The following ABCA9 variants were observed in gnomAD, a reference collection of about 807,000 sequenced individuals.
ABCA9 encodes ATP-binding cassette sub-family A member 9.
ABCA9 carries 183 observed loss-of-function variants against 205.3 expected under a neutral mutation model. The ratio of observed to expected loss-of-function variants is 0.89; its 90% CI spans 0.79 to 1.01. The LOEUF is 1.01. ABCA9 is among the 50% of genes least tolerant of loss of function. The pLI, the probability that ABCA9 is intolerant of heterozygous loss-of-function variation, is 0.00. For missense variants in ABCA9, 1,805 were observed against 1,912.4 expected, an observed-to-expected ratio of 0.94 and a Z score of 1.05; for synonymous variants, 651 against 683.3, an observed-to-expected ratio of 0.95 and a Z score of 0.74.
chr17:68,976,889 T>C (rs2068904833), intron 37 of ABCA9, among the ~76,000 whole-genome samples: 1 of 152,202 alleles, frequency 6.6e-6, no homozygotes, highest in Admixed American at 6.5e-5. Flanking sequence ...ACCTCAACCA[T>C]GTAGATACAT....
intron 16 of ABCA9, among the ~76,000 whole-genome samples, chr17:69,024,850 C>A (rs1414931652): frequency 1.3e-5 from 2 of 151,832 alleles, no homozygotes; most frequent in Non-Finnish European, 2.9e-5. Context: ...CATTTTGGGG[C>A]CCAAAATTTA....
chr17:69,049,203 A>G, intron 3 of ABCA9, 80 bp downstream of exon 3: 4 of 1,367,800 alleles, frequency 2.9e-6, no homozygotes, highest in South Asian at 1.4e-5. Context: ...AACATTCAAC[A>G]TAATTTATGA....
the ABCA9 span, among the ~76,000 whole-genome samples, chr17:69,076,003 CTTTCTATTTCCT>C: frequency 6.6e-6 from 1 of 152,056 alleles, no homozygotes; most frequent in East Asian, 1.9e-4. Context: ...TATTTGGATA[CTTTCTATTTCCT>C]TTTCTTGCAT....
the ABCA9 span, among the ~76,000 whole-genome samples, chr17:69,070,242 C>T: frequency 4.6e-5 from 7 of 151,870 alleles, no homozygotes; most frequent in Non-Finnish European, 1.0e-4. Flanking sequence ...AAGATTAAAG[C>T]ATAAATATAA....
chr17:69,048,238 G>A (rs879676084), intron 3 of ABCA9, among the ~76,000 whole-genome samples: 6 of 152,128 alleles, frequency 3.9e-5, no homozygotes, highest in Non-Finnish European at 7.4e-5. Flanking sequence ...TGGACACAGA[G>A]TCAAACCTAT....
At chr17:69,078,069 T>A in the ABCA9 span, among the ~76,000 whole-genome samples, 42 of 152,208 alleles carry the variant, frequency 2.8e-4, no homozygotes, top group African/African-American at 7.5e-4. Context: ...ATGCAAAATT[T>A]AAAAAATCTG....
At chr17:69,049,003 A>G (rs956385585) in intron 3 of ABCA9, among the ~76,000 whole-genome samples, 1 of 152,196 alleles carries the variant, frequency 6.6e-6, no homozygotes, top group African/African-American at 2.4e-5. Flanking sequence ...CTACAGTCCA[A>G]TGTTTCCAGA....
chr17:69,043,609 A>G lies in ABCA9; in HGVS notation c.680T>C (p.Ile227Thr), dbSNP rs1433431558. ...AQGGVATDFFIFFCIISFSTF... is the reference protein window; with the variant it reads ...AQGGVATDFFTFFCIISFSTF... ...AGAAAAAGAAATAATGCAAAAGAAA[A>G]TGAAAAAATCAGTTGCAACTCCTCC... The change falls in exon 6 of 39, where the codon ATT (isoleucine) becomes ACT (threonine). Residue 227 changes from isoleucine (I) to threonine (T), a missense_variant. By Grantham distance (89) the Ile-to-Thr change is moderately conservative. Coordinates refer to ENST00000340001, the MANE Select transcript of ABCA9 (RefSeq NM_080283.4). The G allele has an allele frequency of 1.1e-5, 17 of 1,613,586 alleles. No homozygotes were observed. Among genetic ancestry groups the G allele is most frequent in the Non-Finnish European group, 1.2e-5 (14 of 1,179,782 alleles).
At position 68,993,949 on chromosome 17, in the gene ABCA9, C is replaced by T. The variant is rs147992576; in HGVS notation, c.3556-865G>A. 3.6e-3 allele frequency among the ~76,000 whole-genome samples: 544 copies of T among 152,256 alleles called. 9 individuals are homozygous for T. In the East Asian group the frequency reaches 0.055, roughly 15 times the overall value. ...GGAGTGCAGTGGCATGATCTTGGCT[C>T]ACTACAACCTCTGCCTCCTGGGTTC... On this transcript the variant is annotated intron_variant, in intron 26 of 38. Coordinates refer to ENST00000340001, the MANE Select transcript of ABCA9 (RefSeq NM_080283.4).
At chr17:68,983,936 C>T (rs2069144598) in intron 35 of ABCA9, 87 bp from the exon 36 acceptor site, 1 of 1,602,762 alleles carries the variant, frequency 6.2e-7, no homozygotes, top group African/African-American at 1.3e-5. Context: ...CAGAGTAAGG[C>T]CACATAGAGT....
chr17:69,028,780 T>C (rs2071073400), intron 11 of ABCA9, 135 bp from the exon 12 acceptor site: 1 of 485,696 alleles, frequency 2.1e-6, no homozygotes, highest in Admixed American at 3.9e-5. Flanking sequence ...TAAAATTCTT[T>C]CTTTTAAAAC....
rs777330341 is a variant in ABCA9 at position 68,992,229 on chromosome 17, C to T, written c.3662G>A (p.Arg1221Gln). 31 of 1,594,508 alleles carry T rather than the reference C, an allele frequency of 1.9e-5. No homozygotes were observed. The highest frequency in any genetic ancestry group is 4.0e-5 in the African/African-American group (3 of 74,314). Reference protein sequence around the residue: ...LHFLIFLFILRCLEMNCRKKL... With the variant: ...LHFLIFLFILQCLEMNCRKKL... ...CTTCCTGCAGTTCATTTCTAGGCATCGCAGAATGAAAAGAAAAATGAGAAA... is the reference window on the plus strand; with the variant it reads ...CTTCCTGCAGTTCATTTCTAGGCATTGCAGAATGAAAAGAAAAATGAGAAA... Residue 1221 changes from arginine (R) to glutamine (Q), a missense_variant, in exon 28 of 39, where the codon CGA becomes CAA. By Grantham distance (43) the Arg-to-Gln change is conservative (BLOSUM62 1). Transcript: ENST00000340001.
chr17:69,014,937 A>T (rs1468413992), intron 22 of ABCA9, among the ~76,000 whole-genome samples: 1 of 152,096 alleles, frequency 6.6e-6, no homozygotes, highest in Non-Finnish European at 1.5e-5. Context: ...GCCAAGCTAA[A>T]CACCACCCCA....
At chr17:69,025,640 G>C (rs1161159273) in intron 16 of ABCA9, among the ~76,000 whole-genome samples, 1 of 152,080 alleles carries the variant, frequency 6.6e-6, no homozygotes, top group Non-Finnish European at 1.5e-5. Context: ...TAAAAAATGA[G>C]GGGATCCATT....
intron 22 of ABCA9, among the ~76,000 whole-genome samples, chr17:69,012,985 C>T (rs1319836943): frequency 6.6e-6 from 1 of 151,718 alleles, no homozygotes; most frequent in Non-Finnish European, 1.5e-5. Context: ...TCTTTCTGTG[C>T]CTGGCTTATT....
intron 17 of ABCA9, among the ~76,000 whole-genome samples, chr17:69,022,679 A>G (rs1464717362): frequency 6.6e-6 from 1 of 152,044 alleles, no homozygotes; most frequent in Admixed American, 6.6e-5. Flanking sequence ...ATAAATATGT[A>G]AAGTTTTTAA....
intron 37 of ABCA9, among the ~76,000 whole-genome samples, chr17:68,981,835 CAAAAAAA>C (rs398041827): frequency 1.7e-4 from 9 of 51,650 alleles, no homozygotes; most frequent in Non-Finnish European, 2.6e-4. Flanking sequence ...AACTCTTTCT[CAAAAAAA>C]AAAAAAAAAA....
chr17:69,028,547 C>A lies in ABCA9; in HGVS notation c.1603G>T (p.Val535Phe). Residue 535 changes from valine (V) to phenylalanine (F), a missense_variant, in exon 12 of 39, where the codon GTT (valine) becomes TTT (phenylalanine). Transcript: ENST00000340001. ...ACTGTCTTCTTACCTGATGTTGGAA[C>A]TGACAACCCACTAAGTATGTTTAAC... ...TLLNILSGLS[V>F]PTSGSVTVYN... 1 of 1,601,390 alleles carries A rather than the reference C, an allele frequency of 6.2e-7. No homozygotes were observed. Among genetic ancestry groups the A allele is most frequent in the Non-Finnish European group, 8.5e-7 (1 of 1,172,254 alleles).
Position 69,020,482 on chromosome 17 carries a change from T to C in ABCA9, c.2506A>G (p.Ile836Val). Residue 836 changes from isoleucine (I) to valine (V), a missense_variant, in exon 19 of 39, where the codon ATC becomes GTC. Coordinates refer to ENST00000340001, the MANE Select transcript of ABCA9 (RefSeq NM_080283.4). ...LSSFHETRKT[I>V]SGVALWRQQV... ...TGCCTCCAGAGCGCCACGCCACTGA[T>C]TGTTTTCCTTGTTTCGTGGAAGGAA... 1 of 1,614,106 alleles carries C rather than the reference T, an allele frequency of 6.2e-7. No individual in the cohort carries two copies. The highest frequency in any genetic ancestry group is 1.1e-5 in the South Asian group (1 of 91,080).
Sources: gnomAD v4.1 joint callset for allele counts (sites outside exome capture counted in the v4.1 genomes callset) on GRCh38, gnomAD v4.1.1 for gene constraint, MANE v1.5 for transcripts, NCBI Gene and HGNC (gene_info 2026-07-23, HGNC 2026-07-21) for gene names.